GABBR2: variants seen among roughly 807,000 people sequenced by gnomAD.
GABBR2 encodes the protein gamma-aminobutyric acid type B receptor subunit 2.
GABBR2 carries 23 observed loss-of-function variants against 105.6 expected under a neutral mutation model. The ratio of observed to expected loss-of-function variants is 0.22; its 90% CI spans 0.16 to 0.31. The LOEUF is 0.31. GABBR2 is among the 10% of genes least tolerant of loss of function. GABBR2 has a pLI of 1.00. For synonymous variants in GABBR2, 478 were observed against 499.7 expected, an observed-to-expected ratio of 0.96 and a Z score of 0.58; for missense variants, 734 against 1,245.5, an observed-to-expected ratio of 0.59 and a Z score of 6.18.
At chr9:98,394,700 C>T (rs1351995801) in intron 8 of GABBR2, among the ~76,000 whole-genome samples, 2 of 152,208 alleles carry the variant, frequency 1.3e-5, no homozygotes, top group Admixed American at 6.5e-5. Flanking sequence ...TACCACCCCC[C>T]AACTCCTCTT....
intron 9 of GABBR2, among the ~76,000 whole-genome samples, chr9:98,393,211 C>A (rs374933207): frequency 3.4e-5 from 5 of 145,724 alleles, no homozygotes; most frequent in African/African-American, 1.0e-4. Flanking sequence ...ATCAATTCAT[C>A]TATCCATCTA....
chr9:98,452,056 G>C (rs1826241109), intron 7 of GABBR2, among the ~76,000 whole-genome samples: 2 of 152,186 alleles, frequency 1.3e-5, no homozygotes, highest in African/African-American at 4.8e-5. Context: ...TTTTTGTCTA[G>C]GTCTTGCCCG....
At chr9:98,660,505 C>T (rs1830245528) in intron 1 of GABBR2, among the ~76,000 whole-genome samples, 4 of 152,286 alleles carry the variant, frequency 2.6e-5, no homozygotes, top group Admixed American at 6.5e-5. Context: ...CCTTTATTGG[C>T]CAATTGTATA....
intron 7 of GABBR2, among the ~76,000 whole-genome samples, chr9:98,425,710 T>C (rs1825671579): frequency 6.6e-6 from 1 of 152,078 alleles, no homozygotes; most frequent in Admixed American, 6.5e-5. Flanking sequence ...AGTCATTGAG[T>C]CACAAGGTCA....
chr9:98,370,910 G>C (rs1326359511), intron 12 of GABBR2, among the ~76,000 whole-genome samples: 2 of 152,068 alleles, frequency 1.3e-5, no homozygotes, highest in African/African-American at 4.8e-5. Flanking sequence ...TTTGAAAATG[G>C]AATCATTAAA....
chr9:98,660,119 C>T (rs891229661), intron 1 of GABBR2, among the ~76,000 whole-genome samples: 1 of 152,092 alleles, frequency 6.6e-6, no homozygotes, highest in Non-Finnish European at 1.5e-5. Context: ...AAATATTGCA[C>T]AGCTATATCA....
chr9:98,558,125 A>G (rs1275067649), intron 2 of GABBR2, among the ~76,000 whole-genome samples: 2 of 152,246 alleles, frequency 1.3e-5, no homozygotes, highest in African/African-American at 4.8e-5. Context: ...GAAATCAGCT[A>G]CATAGAAAAA....
At chr9:98,557,962 A>T (rs955091116) in intron 2 of GABBR2, among the ~76,000 whole-genome samples, 3 of 152,218 alleles carry the variant, frequency 2.0e-5, no homozygotes, top group Admixed American at 1.3e-4. Context: ...GGTCCTTAGA[A>T]ATAAACGTCT....
intron 1 of GABBR2, among the ~76,000 whole-genome samples, chr9:98,651,775 T>TCA (rs1311005195): frequency 6.6e-6 from 1 of 152,204 alleles, no homozygotes; most frequent in East Asian, 1.9e-4. Flanking sequence ...TGTCAACCAA[T>TCA]CACAATGTGT....
At chr9:98,537,032 T>A (rs1385379499) in intron 3 of GABBR2, among the ~76,000 whole-genome samples, 1 of 152,188 alleles carries the variant, frequency 6.6e-6, no homozygotes, top group Non-Finnish European at 1.5e-5. Context: ...CTCCTGACTC[T>A]GAGCCAATTA....
intron 12 of GABBR2, among the ~76,000 whole-genome samples, chr9:98,371,202 G>A (rs1417114228): frequency 6.6e-6 from 1 of 152,136 alleles, no homozygotes; most frequent in Admixed American, 6.5e-5. Flanking sequence ...CAGCATAGGT[G>A]GCACTTCCTC....
intron 3 of GABBR2, among the ~76,000 whole-genome samples, chr9:98,523,448 G>A (rs72603697): frequency 0.11 from 17,196 of 152,138 alleles, 1,602 homozygotes; most frequent in East Asian, 0.49. Flanking sequence ...CTCCCCCACG[G>A]CCTCAAGCAA....
intron 1 of GABBR2, among the ~76,000 whole-genome samples, chr9:98,610,960 C>T (rs1274926769): frequency 6.6e-6 from 1 of 152,170 alleles, no homozygotes; most frequent in Admixed American, 6.5e-5. Context: ...CATTGCACTC[C>T]AGCCTGGGTG....
intron 1 of GABBR2, among the ~76,000 whole-genome samples, chr9:98,646,022 T>C (rs1239733023): frequency 6.6e-6 from 1 of 152,174 alleles, no homozygotes; most frequent in Non-Finnish European, 1.5e-5. Flanking sequence ...GGCTCCGGGA[T>C]CCCTGTTGAT....
At position 98,300,226 on chromosome 9, in the gene GABBR2, C is replaced by T. The variant is rs950094971; in HGVS notation, c.2413-873G>A. On this transcript the variant is annotated intron_variant, in intron 16 of 18. Transcript: ENST00000259455. ...GTGGAGGACAGACATGCAGGGCTCGCGAGCTCTGAGCCTCACACTATCATG... is the reference window on the plus strand; with the variant it reads ...GTGGAGGACAGACATGCAGGGCTCGTGAGCTCTGAGCCTCACACTATCATG... Among the ~76,000 whole-genome samples the T allele has an allele frequency of 3.3e-5, 5 of 151,880 alleles. No individual in the cohort carries two copies. In the East Asian group the frequency reaches 7.7e-4, roughly 24 times the overall value.
At chr9:98,654,544 A>G (rs1478071618) in intron 1 of GABBR2, among the ~76,000 whole-genome samples, 3 of 152,236 alleles carry the variant, frequency 2.0e-5, no homozygotes, top group African/African-American at 7.2e-5. Context: ...AAACAAGCGG[A>G]TGGGTGCTGT....
At chr9:98,693,901 C>T (rs773772309) in intron 1 of GABBR2, among the ~76,000 whole-genome samples, 1 of 152,208 alleles carries the variant, frequency 6.6e-6, no homozygotes, top group Non-Finnish European at 1.5e-5. Flanking sequence ...CAGGTCAAAG[C>T]CCATCTGATG....
At chr9:98,425,546 C>T (rs1043958765) in intron 7 of GABBR2, among the ~76,000 whole-genome samples, 1 of 152,198 alleles carries the variant, frequency 6.6e-6, no homozygotes, top group African/African-American at 2.4e-5. Flanking sequence ...AACAGGCATT[C>T]CATGGCTCTG....
At chr9:98,652,781 A>G (rs934698998) in intron 1 of GABBR2, among the ~76,000 whole-genome samples, 3 of 152,200 alleles carry the variant, frequency 2.0e-5, no homozygotes, top group Admixed American at 6.5e-5. Flanking sequence ...AGGTGGCCTT[A>G]CCAGGTGGCC....
Sources: allele counts gnomAD v4.1 joint callset (sites outside exome capture counted in the v4.1 genomes callset), GRCh38; gene constraint gnomAD v4.1.1; transcripts MANE v1.5; gene names NCBI Gene and HGNC (gene_info 2026-07-23, HGNC 2026-07-21).